Variants in GRIK2 observed in about 807,000 individuals in gnomAD.
GRIK2 encodes glutamate receptor ionotropic, kainate 2.
GRIK2 carries 32 observed loss-of-function variants against 100.3 expected under a neutral mutation model. That is an observed-to-expected ratio of 0.32 (90% CI 0.24 to 0.43). GRIK2 has a LOEUF of 0.43. Ranked by LOEUF, GRIK2 falls within the 20% of genes least tolerant of loss-of-function variation. GRIK2 has a pLI of 1.00. For synonymous variants in GRIK2, 417 were observed against 389.4 expected, an observed-to-expected ratio of 1.07 and a Z score of -0.83; for missense variants, 843 against 1,114.9, an observed-to-expected ratio of 0.76 and a Z score of 3.47.
At chr6:101,576,154 C>T (rs942889939) in intron 2 of GRIK2, among the ~76,000 whole-genome samples, 6 of 151,832 alleles carry the variant, frequency 4.0e-5, no homozygotes, top group African/African-American at 1.5e-4. Context: ...TATCAAATTT[C>T]CACACATTTT....
At chr6:101,975,789 G>GTCTGTCTATCTA (rs1344264703) in intron 14 of GRIK2, among the ~76,000 whole-genome samples, 407 of 91,858 alleles carry the variant, frequency 4.4e-3, no homozygotes, top group African/African-American at 5.3e-3. Context: ...CTGTCTGTCT[G>GTCTGTCTATCTA]TCTGTCTATC....
intron 11 of GRIK2, among the ~76,000 whole-genome samples, chr6:101,861,870 T>C (rs1046486005): frequency 6.6e-6 from 1 of 152,148 alleles, no homozygotes; most frequent in African/African-American, 2.4e-5. Flanking sequence ...AACTTGTATA[T>C]ACAGGACCCT....
At chr6:101,524,660 T>C (rs1455005577) in intron 2 of GRIK2, among the ~76,000 whole-genome samples, 1 of 151,998 alleles carries the variant, frequency 6.6e-6, no homozygotes, top group Non-Finnish European at 1.5e-5. Flanking sequence ...CTCCACAATA[T>C]TTTACAAATT....
intron 2 of GRIK2, among the ~76,000 whole-genome samples, chr6:101,509,050 C>A (rs1019238837): frequency 6.7e-6 from 1 of 150,098 alleles, no homozygotes; most frequent in African/African-American, 2.5e-5. Flanking sequence ...CACAGCTACT[C>A]GGGAGGCTGA....
At chr6:101,746,566 A>T (rs1295209111) in intron 7 of GRIK2, among the ~76,000 whole-genome samples, 2 of 152,094 alleles carry the variant, frequency 1.3e-5, no homozygotes, top group Non-Finnish European at 2.9e-5. Flanking sequence ...ACCTCAACTA[A>T]TCAGCTCACC....
At chr6:101,806,361 C>T (rs566577010) in intron 9 of GRIK2, among the ~76,000 whole-genome samples, 9 of 152,024 alleles carry the variant, frequency 5.9e-5, no homozygotes, top group African/African-American at 1.4e-4. Flanking sequence ...TCACCACATC[C>T]GTTGCTGAAT....
At chr6:101,419,404 A>G (rs1171631182) in intron 2 of GRIK2, among the ~76,000 whole-genome samples, 1 of 152,150 alleles carries the variant, frequency 6.6e-6, no homozygotes. Flanking sequence ...TCTTGGGAAC[A>G]TACAAAGGTG....
chr6:101,588,425 G>A (rs901745278), intron 2 of GRIK2, among the ~76,000 whole-genome samples: 2 of 151,274 alleles, frequency 1.3e-5, no homozygotes, highest in Non-Finnish European at 2.9e-5. Context: ...ATGTAGAAAG[G>A]TTATCAAGAG....
intron 14 of GRIK2, among the ~76,000 whole-genome samples, chr6:101,966,395 A>C (rs1792676962): frequency 6.6e-6 from 1 of 152,138 alleles, no homozygotes; most frequent in South Asian, 2.1e-4. Context: ...ATATATTATG[A>C]ATGTTGCGAT....
At chr6:101,602,982 T>C (rs1779293309) in intron 2 of GRIK2, among the ~76,000 whole-genome samples, 1 of 151,676 alleles carries the variant, frequency 6.6e-6, no homozygotes, top group Admixed American at 6.6e-5. Flanking sequence ...TATAGCAGGG[T>C]CTTACAGAAA....
At chr6:102,002,511 T>G (rs990845681) in intron 14 of GRIK2, among the ~76,000 whole-genome samples, 2 of 146,592 alleles carry the variant, frequency 1.4e-5, no homozygotes, top group Admixed American at 1.4e-4. Flanking sequence ...TTTTATTGCA[T>G]TTTAATTCTA....
intron 2 of GRIK2, among the ~76,000 whole-genome samples, chr6:101,504,860 A>C (rs1226952006): frequency 6.6e-6 from 1 of 152,114 alleles, no homozygotes; most frequent in East Asian, 1.9e-4. Flanking sequence ...TATGTATGAA[A>C]ATGATGTGTC....
At chr6:101,696,199 T>G (rs1772472584) in intron 7 of GRIK2, among the ~76,000 whole-genome samples, 1 of 151,972 alleles carries the variant, frequency 6.6e-6, no homozygotes. Context: ...ATGAACACAT[T>G]GCAGCTTTTT....
At chr6:101,822,718 C>G (rs1003233780) in intron 10 of GRIK2, among the ~76,000 whole-genome samples, 5 of 151,962 alleles carry the variant, frequency 3.3e-5, no homozygotes, top group African/African-American at 1.2e-4. Flanking sequence ...AGCACCATTA[C>G]TTATTTATAG....
intron 2 of GRIK2, among the ~76,000 whole-genome samples, chr6:101,451,215 G>A (rs1362194407): frequency 6.6e-6 from 1 of 151,560 alleles, no homozygotes; most frequent in Non-Finnish European, 1.5e-5. Context: ...GATTTCTGAT[G>A]TGGACTTAAT....
At chr6:101,956,280 A>G (rs1399872590) in intron 14 of GRIK2, among the ~76,000 whole-genome samples, 2 of 152,124 alleles carry the variant, frequency 1.3e-5, no homozygotes, top group Non-Finnish European at 2.9e-5. Flanking sequence ...GGGATAACTG[A>G]CCAATTTCTG....
chr6:101,420,526 GT>G (rs1265887001), intron 2 of GRIK2, among the ~76,000 whole-genome samples: 2 of 152,134 alleles, frequency 1.3e-5, no homozygotes, highest in Non-Finnish European at 2.9e-5. Flanking sequence ...CAGGGAAGTT[GT>G]TAGATATACA....
rs575498995 is a variant in GRIK2, at chr6:101,466,430, T to A, written c.115+67038T>A. Among the ~76,000 whole-genome samples, 11 of 152,114 alleles carry A rather than the reference T, an allele frequency of 7.2e-5. No homozygotes were observed. In the South Asian group the frequency reaches 2.3e-3, roughly 32 times the overall value. The stretch of plus-strand genomic sequence containing the variant: ...TCAATGAGCTGAACAGCCTTACGAA[T>A]GACCAACACTCAATAGGAGATTCCT... On this transcript the variant is annotated intron_variant, in intron 2 of 16. Coordinates refer to ENST00000369134, the MANE Select transcript of GRIK2 (RefSeq NM_021956.5).
At chr6:101,682,827 A>G (rs1451043480) in intron 6 of GRIK2, among the ~76,000 whole-genome samples, 1 of 152,164 alleles carries the variant, frequency 6.6e-6, no homozygotes, top group Non-Finnish European at 1.5e-5. Flanking sequence ...AATATTGCAT[A>G]TCTTATTTTT....
Sources: gnomAD v4.1 joint callset for allele counts (sites outside exome capture counted in the v4.1 genomes callset) on GRCh38, gnomAD v4.1.1 for gene constraint, MANE v1.5 for transcripts, NCBI Gene and HGNC (gene_info 2026-07-23, HGNC 2026-07-21) for gene names.